Variants in ACACA observed in about 807,000 individuals in gnomAD.
ACACA encodes acetyl-CoA carboxylase 1.
ACACA carries 103 observed loss-of-function variants against 296.1 expected under a neutral mutation model. The observed-to-expected ratio is 0.35, with a 90% confidence interval of 0.30 to 0.41. The LOEUF (loss-of-function observed/expected upper bound fraction) is 0.41, where lower values mean the gene tolerates loss of function less well. Ranked by LOEUF, ACACA falls within the 10% of genes least tolerant of loss-of-function variation. The pLI is 1.00. For missense variants in ACACA, 1,554 were observed against 2,989.7 expected (o/e 0.52, Z 11.20); for synonymous variants, 953 against 1,038.6 (o/e 0.92, Z 1.58).
intron 41 of ACACA, among the ~76,000 whole-genome samples, chr17:37,174,412 A>G (rs2077029980): frequency 6.6e-6 from 1 of 152,152 alleles, no homozygotes; most frequent in African/African-American, 2.4e-5. Flanking sequence ...AGCTGCTGAG[A>G]AGGAAAAACC....
intron 2 of ACACA, among the ~76,000 whole-genome samples, chr17:37,336,254 C>G (rs769188209): frequency 3.9e-5 from 6 of 152,146 alleles, no homozygotes; most frequent in Non-Finnish European, 8.8e-5. Flanking sequence ...GAAATCTCAA[C>G]TGCACAACCT....
intron 1 of ACACA, chr17:37,367,181 A>G (rs2049638163): frequency 6.6e-6 from 1 of 151,596 alleles, no homozygotes; most frequent in Non-Finnish European, 1.5e-5. Flanking sequence ...CTTGTTTATC[A>G]GTGGACCTAT....
chr17:37,337,649 C>T (rs2048187657), intron 2 of ACACA, among the ~76,000 whole-genome samples: 1 of 151,938 alleles, frequency 6.6e-6, no homozygotes, highest in South Asian at 2.1e-4. Flanking sequence ...GACAGCATCT[C>T]CACATGTTGC....
chr17:37,121,571 T>C, intron 49 of ACACA, 81 bp from the exon 50 acceptor site: 4 of 1,559,622 alleles, frequency 2.6e-6, no homozygotes, highest in Non-Finnish European at 2.6e-6. Context: ...AGATTTTACT[T>C]ATTTAAAACT....
At chr17:37,289,286 A>T (rs2082936047) in intron 3 of ACACA, 10 of 405,468 alleles carry the variant, frequency 2.5e-5, no homozygotes, top group South Asian at 2.3e-4. Flanking sequence ...AAACAAAAAA[A>T]TCATTTAACT....
chr17:37,340,724 C>T (rs561752739), intron 1 of ACACA, among the ~76,000 whole-genome samples: 104 of 152,236 alleles, frequency 6.8e-4, no homozygotes, highest in Non-Finnish European at 1.2e-3. Context: ...TTCCCTACAA[C>T]TGAGAAGAGG....
At chr17:37,376,171 A>C (rs756927780) in intron 1 of ACACA, 3 of 1,593,124 alleles carry the variant, frequency 1.9e-6, no homozygotes, top group Non-Finnish European at 2.6e-6. Context: ...CTCTAGCCTA[A>C]TCTCCTGGAA....
At chr17:37,400,035 C>T (rs779024854) in intron 1 of ACACA, among the ~76,000 whole-genome samples, 7 of 152,150 alleles carry the variant, frequency 4.6e-5, no homozygotes, top group Middle Eastern at 3.4e-3. Flanking sequence ...TACCCATTAC[C>T]GCAAATACTT....
chr17:37,333,038 G>T (rs371363934), intron 2 of ACACA, among the ~76,000 whole-genome samples: 1 of 152,128 alleles, frequency 6.6e-6, no homozygotes, highest in African/African-American at 2.4e-5. Context: ...TGAAAAGTGG[G>T]GTATGCAGTG....
chr17:37,129,321 A>C, intron 47 of ACACA, 44 bp downstream of exon 47: 1 of 1,612,642 alleles, frequency 6.2e-7, no homozygotes, highest in Non-Finnish European at 8.5e-7. Context: ...GAACGCTAAA[A>C]GCTTAAGAGC....
At chr17:37,233,973 T>C (rs935554281) in intron 25 of ACACA, among the ~76,000 whole-genome samples, 1 of 152,222 alleles carries the variant, frequency 6.6e-6, no homozygotes, top group African/African-American at 2.4e-5. Flanking sequence ...GTTAACCAGC[T>C]AGGCATATAA....
intron 41 of ACACA, among the ~76,000 whole-genome samples, chr17:37,165,250 C>A (rs886105275): frequency 6.6e-6 from 1 of 151,672 alleles, no homozygotes; most frequent in Non-Finnish European, 1.5e-5. Context: ...TCTAAGAAAG[C>A]ACTATTATTC....
chr17:37,363,183 T>C (rs1224144216), intron 1 of ACACA, among the ~76,000 whole-genome samples: 1,644 of 120,276 alleles, frequency 0.014, 13 homozygotes, highest in South Asian at 0.062. Flanking sequence ...CTTTTTCTTT[T>C]TTTTTTTTTT....
At chr17:37,387,273 C>A (rs562778443) in intron 1 of ACACA, 3 of 152,236 alleles carry the variant, frequency 2.0e-5, no homozygotes, top group Admixed American at 1.3e-4. Flanking sequence ...GCATGCACCA[C>A]CACGCCTGGC....
intron 8 of ACACA, 177 bp from the exon 9 acceptor site, chr17:37,274,476 T>C (rs577140274): frequency 1.8e-4 from 96 of 532,180 alleles, no homozygotes; most frequent in Non-Finnish European, 2.3e-4. Context: ...AGCCACAGCA[T>C]GACCCGGCAA....
At chr17:37,197,846 T>C (rs1400154182) in intron 35 of ACACA, among the ~76,000 whole-genome samples, 1 of 152,222 alleles carries the variant, frequency 6.6e-6, no homozygotes, top group African/African-American at 2.4e-5. Flanking sequence ...TCAGAGCAAA[T>C]GCAGTCCTCA....
At chr17:37,380,891 T>C (rs1167393470) in intron 1 of ACACA, among the ~76,000 whole-genome samples, 279 of 148,760 alleles carry the variant, frequency 1.9e-3, no homozygotes, top group Middle Eastern at 6.8e-3. Flanking sequence ...CCACCGTGCC[T>C]GGCCAGGTTT....
At chr17:37,161,277 C>G (rs1311765008) in intron 42 of ACACA, among the ~76,000 whole-genome samples, 1 of 152,036 alleles carries the variant, frequency 6.6e-6, no homozygotes, top group Non-Finnish European at 1.5e-5. Context: ...CAATGAGGAT[C>G]AAGGAGGACA....
At chr17:37,187,636 C>T (rs1459326311) in intron 39 of ACACA, among the ~76,000 whole-genome samples, 1 of 152,194 alleles carries the variant, frequency 6.6e-6, no homozygotes, top group Non-Finnish European at 1.5e-5. Flanking sequence ...TTTTTACATT[C>T]TCAGTTTTCC....
Sources: allele counts gnomAD v4.1 joint callset (sites outside exome capture counted in the v4.1 genomes callset), GRCh38; gene constraint gnomAD v4.1.1; transcripts MANE v1.5; gene names NCBI Gene and HGNC (gene_info 2026-07-23, HGNC 2026-07-21).